Variants in PRPF3 observed in about 807,000 individuals in gnomAD.
PRPF3 encodes the protein U4/U6 small nuclear ribonucleoprotein Prp3.
PRPF3 carries 3 observed loss-of-function variants against 89.2 expected under a neutral mutation model. The ratio of observed to expected loss-of-function variants is 0.03; its 90% CI spans 0.02 to 0.09. The LOEUF (loss-of-function observed/expected upper bound fraction) is 0.09, where lower values mean the gene tolerates loss of function less well. Among genes scored for constraint, PRPF3 ranks in the 10% least tolerant of loss-of-function variants. The pLI is 1.00. For missense variants in PRPF3, 463 were observed against 828.8 expected (o/e 0.56, Z 5.42); for synonymous variants, 270 against 289.1 (o/e 0.93, Z 0.67).
At chr1:150,346,811 G>T (rs1463694883) in intron 14 of PRPF3, among the ~76,000 whole-genome samples, 2 of 152,160 alleles carry the variant, frequency 1.3e-5, no homozygotes, top group African/African-American at 2.4e-5. Flanking sequence ...AAGCAGCTAG[G>T]CATGGTGGCT....
intron 7 of PRPF3, among the ~76,000 whole-genome samples, chr1:150,337,762 T>TA (rs74223621): frequency 1.4e-4 from 15 of 110,444 alleles, no homozygotes; most frequent in African/African-American, 3.2e-4. Flanking sequence ...AGACTCCGTC[T>TA]ACAAAAAAAA....
intron 8 of PRPF3, 83 bp downstream of exon 8, chr1:150,338,409 C>A: frequency 7.2e-7 from 1 of 1,391,236 alleles, no homozygotes; most frequent in Non-Finnish European, 1.0e-6. Context: ...TTTAGTAAAG[C>A]TATGGTTTTA....
chr1:150,351,018 A>G (rs1658874353), intron 15 of PRPF3, among the ~76,000 whole-genome samples: 2 of 151,332 alleles, frequency 1.3e-5, no homozygotes, highest in African/African-American at 2.4e-5. Context: ...TATACTCCCA[A>G]CACTTTGGGA....
chr1:150,324,432 G>C (rs1263481631), intron 1 of PRPF3, among the ~76,000 whole-genome samples: 1 of 152,198 alleles, frequency 6.6e-6, no homozygotes, highest in Non-Finnish European at 1.5e-5. Context: ...TTTCTGCTTT[G>C]AGATATGGTT....
At position 150,344,533 on chromosome 1, in the gene PRPF3, C is replaced by CATATCTGTATATAGGTAGGTGTCCAT; in HGVS notation, c.1628_1640+13dup. ...AAGAAGACATTTCACAGGGGGTACA[C>CATATCTGTATATAGGTAGGTGTCCAT]ATATCTGTATATAGGTAGGTGTCCA... On this transcript the variant is annotated stop_gained and frameshift_variant, in exon 12 of 16. Coordinates refer to ENST00000324862, the MANE Select transcript of PRPF3 (RefSeq NM_004698.4). LOFTEE classifies it high-confidence loss of function. 4 of 1,614,024 alleles carry CATATCTGTATATAGGTAGGTGTCCAT rather than the reference C, an allele frequency of 2.5e-6. No individual in the cohort carries two copies. Among genetic ancestry groups the CATATCTGTATATAGGTAGGTGTCCAT allele is most frequent in the Non-Finnish European group, 3.4e-6 (4 of 1,179,964 alleles).
Position 150,352,900 on chromosome 1 carries a change from G to T in PRPF3, c.1973G>T (p.Arg658Leu). ...CAGTGTCCTACAGAGAACATGGCTCGTGAGCATTTCAAAAAGCATGGGGCT... is the reference window on the plus strand; with the variant it reads ...CAGTGTCCTACAGAGAACATGGCTCTTGAGCATTTCAAAAAGCATGGGGCT... ...FKQCPTENMA[R>L]EHFKKHGAEH... The change falls in exon 16 of 16, where the codon CGT (arginine) becomes CTT (leucine). Residue 658 changes from arginine (R) to leucine (L), a missense_variant. This residue lies in a region of PRPF3 where 78 missense variants were observed against 96.6 expected (regional missense o/e 0.81). Transcript: ENST00000324862. 6.2e-7 allele frequency: 1 copy of T among 1,614,138 alleles called. No individual in the cohort carries two copies. Among genetic ancestry groups the T allele is most frequent in the South Asian group, 1.1e-5 (1 of 91,080 alleles).
At chr1:150,335,561 G>A (rs112385890) in intron 7 of PRPF3, among the ~76,000 whole-genome samples, 12,455 of 152,160 alleles carry the variant, frequency 0.082, 681 homozygotes, top group Non-Finnish European at 0.12. Context: ...TGCCTCCCAG[G>A]TTCAAGTGAT....
At chr1:150,338,052 C>T in intron 7 of PRPF3, 108 bp from the exon 8 acceptor site, 1 of 1,205,590 alleles carries the variant, frequency 8.3e-7, no homozygotes, top group South Asian at 1.3e-5. Flanking sequence ...CCAGCCTGGG[C>T]AAGAAGAACG....
chr1:150,327,155 C>T (rs1174691073), intron 3 of PRPF3, among the ~76,000 whole-genome samples: 3 of 151,440 alleles, frequency 2.0e-5, no homozygotes, highest in Non-Finnish European at 4.4e-5. Flanking sequence ...GCAACTTCCA[C>T]CTCCCAGGTT....
chr1:150,333,215 A>C lies in PRPF3; in HGVS notation c.728+16A>C, dbSNP rs781904808. Reference sequence around the variant, plus strand: ...TTGCTCCCCCGTGAGTGTCTATTTCATGGAATACCTTTTCATTTCTGAAGT... The same window carrying C: ...TTGCTCCCCCGTGAGTGTCTATTTCCTGGAATACCTTTTCATTTCTGAAGT... On this transcript the variant is annotated intron_variant, in intron 6 of 15. Coordinates refer to ENST00000324862, the MANE Select transcript of PRPF3 (RefSeq NM_004698.4). The C allele has an allele frequency of 6.2e-7, 1 of 1,611,376 alleles. No individual in the cohort carries two copies. Among genetic ancestry groups the C allele is most frequent in the Non-Finnish European group, 8.5e-7 (1 of 1,177,632 alleles).
At position 150,328,308 on chromosome 1, in the gene PRPF3, G is replaced by C; in HGVS notation, c.277-12G>C. 1 of 1,613,670 alleles carries C rather than the reference G, an allele frequency of 6.2e-7. No homozygotes were observed. The highest frequency in any genetic ancestry group is 1.1e-5 in the South Asian group (1 of 91,062). On this transcript the variant is annotated splice_polypyrimidine_tract_variant and intron_variant, in intron 3 of 15. Transcript: ENST00000324862. ...AGGGATACAGCTTTTCTTTCATCTTGGGTTCCCTTAGGAGGTGTTTGGTGA... is the reference window on the plus strand; with the variant it reads ...AGGGATACAGCTTTTCTTTCATCTTCGGTTCCCTTAGGAGGTGTTTGGTGA...
Position 150,323,173 on chromosome 1 carries a change from C to CTTTTTTTTTTTT in PRPF3, c.-49+1594_-49+1605dup, listed in dbSNP as rs71083901. 9.9e-4 allele frequency among the ~76,000 whole-genome samples: 48 copies of CTTTTTTTTTTTT among 48,284 alleles called. 16 individuals carry two copies. Among genetic ancestry groups the CTTTTTTTTTTTT allele is most frequent in the Admixed American group, 1.2e-3 (3 of 2,554 alleles). 31.7% of individuals were successfully genotyped at this position (48,284 alleles called of 152,430 possible). A position where few individuals can be genotyped will look rare whatever the true frequency, so the allele number is the denominator to read the frequency against. On this transcript the variant is annotated intron_variant, in intron 1 of 15. Coordinates refer to ENST00000324862, the MANE Select transcript of PRPF3 (RefSeq NM_004698.4). Reference sequence around the variant, plus strand: ...TACAGGCGTGAGCCACCGCACCTGGCTTTTTTTTTTTTTTTTTTTTTTTTG... The same window carrying CTTTTTTTTTTTT: ...TACAGGCGTGAGCCACCGCACCTGGCTTTTTTTTTTTTTTTTTTTTTTTTTTTTTTTTTTTTG...
chr1:150,335,653 C>T (rs1029398423), intron 7 of PRPF3, among the ~76,000 whole-genome samples: 7 of 151,314 alleles, frequency 4.6e-5, no homozygotes, highest in African/African-American at 9.7e-5. Context: ...TTGGTGGAGA[C>T]GGGGTTTCTC....
In PRPF3 at chr1:150,338,249, T is replaced by C. The variant is rs781859945; in HGVS notation, c.1125T>C (p.Pro375=). Residue 375 remains proline (P), a synonymous_variant, in exon 8 of 16, where the codon CCT becomes CCC. Coordinates refer to ENST00000324862, the MANE Select transcript of PRPF3 (RefSeq NM_004698.4). ...HTSTRLALIA[P]KKELKEGDIP... is the part of the protein sequence containing the mutation. The stretch of plus-strand genomic sequence containing the variant: ...CGACTAGGCTTGCCCTCATTGCTCC[T>C]AAGAAGGAGCTAAAGGAAGGAGATA... 1 of 1,614,088 alleles carries C rather than the reference T, an allele frequency of 6.2e-7. No homozygotes were observed.
At chr1:150,349,126 G>A in intron 14 of PRPF3, 31 bp from the exon 15 acceptor site, 2 of 1,587,826 alleles carry the variant, frequency 1.3e-6, no homozygotes, top group South Asian at 1.1e-5. Context: ...TGAATCTCAA[G>A]TCTAAGTCTG....
intron 1 of PRPF3, among the ~76,000 whole-genome samples, chr1:150,324,685 C>T (rs1367154398): frequency 6.6e-6 from 1 of 151,938 alleles, no homozygotes; most frequent in Admixed American, 6.6e-5. Flanking sequence ...GCTGGGATTA[C>T]AGGCACATGC....
At chr1:150,327,166 C>T (rs587753986) in intron 3 of PRPF3, among the ~76,000 whole-genome samples, 1 of 151,168 alleles carries the variant, frequency 6.6e-6, no homozygotes, top group African/African-American at 2.4e-5. Flanking sequence ...CTCCCAGGTT[C>T]AAGTGATTCT....
At chr1:150,336,339 A>C (rs1377354930) in intron 7 of PRPF3, among the ~76,000 whole-genome samples, 2 of 152,174 alleles carry the variant, frequency 1.3e-5, no homozygotes, top group South Asian at 2.1e-4. Flanking sequence ...GCCATAATGC[A>C]GGTAATAGGG....
intron 9 of PRPF3, among the ~76,000 whole-genome samples, chr1:150,341,440 T>C (rs1297510597): frequency 6.9e-6 from 1 of 144,832 alleles, no homozygotes; most frequent in Middle Eastern, 3.2e-3. Flanking sequence ...AGTTTCGCTC[T>C]TGTGGTCCAG....
Sources: gnomAD v4.1 joint callset for allele counts (sites outside exome capture counted in the v4.1 genomes callset) on GRCh38, gnomAD v4.1.1 for gene constraint, gnomAD v4.1.1 regional missense constraint, MANE v1.5 for transcripts, NCBI Gene and HGNC (gene_info 2026-07-23, HGNC 2026-07-21) for gene names.